The following STYXL1 variants were observed in gnomAD, a reference collection of about 807,000 sequenced individuals.
STYXL1 encodes serine/threonine/tyrosine interacting like 1.
A neutral mutation model predicts 36.4 loss-of-function variants in STYXL1; 32 were observed. The observed-to-expected ratio is 0.88, with a 90% confidence interval of 0.66 to 1.18. STYXL1 has a LOEUF of 1.18. STYXL1 is among the 50% of genes most tolerant of loss of function. STYXL1 has a pLI of 0.00. For synonymous variants in STYXL1, 133 were observed against 144.1 expected, an observed-to-expected ratio of 0.92 and a Z score of 0.55; for missense variants, 354 against 394.1, an observed-to-expected ratio of 0.90 and a Z score of 0.86.
At chr7:76,004,255 G>A (rs941809055) in intron 6 of STYXL1, among the ~76,000 whole-genome samples, 4 of 152,044 alleles carry the variant, frequency 2.6e-5, no homozygotes, top group Non-Finnish European at 4.4e-5. Context: ...CACCACAACC[G>A]GCTAATGTTT....
rs71301271 is a variant in STYXL1 at position 75,999,511 on chromosome 7, ATG to A, written c.810+1377_810+1378del. 2.9e-3 allele frequency among the ~76,000 whole-genome samples: 274 copies of A among 95,940 alleles called. 1 individual carries two copies. Among genetic ancestry groups the A allele is most frequent in the South Asian group, 0.015 (49 of 3,194 alleles). The allele number at this position is 95,940 out of a possible 152,430, so 62.9% of individuals were successfully genotyped here. On this transcript the variant is annotated intron_variant, in intron 8 of 8. Coordinates refer to ENST00000359697, the MANE Select transcript of STYXL1 (RefSeq NM_001317785.2). Reference sequence around the variant, plus strand: ...TTTTGTTGTGTGTGTGTGTGTGTGTATGTGTGTGTGTGTGTGTGTGTGTGTGT... The same window carrying A: ...TTTTGTTGTGTGTGTGTGTGTGTGTATGTGTGTGTGTGTGTGTGTGTGTGT...
rs1035600199 is a variant in STYXL1 at position 75,998,167 on chromosome 7, T to A, written c.811-1568A>T. ...AGAACAAAGTTGTAGGTCTCACACT[T>A]CCTGATTTCAAACCTTAGTCTAACA... is the stretch of plus-strand genomic sequence containing the variant. On this transcript the variant is annotated intron_variant, in intron 8 of 8. Transcript: ENST00000359697. Among the ~76,000 whole-genome samples the A allele has an allele frequency of 1.1e-3, 160 of 152,192 alleles. 1 individual carries two copies. The highest frequency in any genetic ancestry group is 2.5e-4 in the Non-Finnish European group (17 of 68,040).
chr7:76,003,384 A>G (rs2116772012), intron 7 of STYXL1, among the ~76,000 whole-genome samples: 1 of 152,288 alleles, frequency 6.6e-6, no homozygotes, highest in Middle Eastern at 3.4e-3. Flanking sequence ...GAAGGCGGGG[A>G]TGGAGAGAGA....
chr7:76,018,686 G>C (rs571207391), intron 4 of STYXL1, among the ~76,000 whole-genome samples: 1 of 152,120 alleles, frequency 6.6e-6, no homozygotes, highest in African/African-American at 2.4e-5. Context: ...TAGCCACAGC[G>C]CCCAGCCCCA....
At position 76,005,253 on chromosome 7, in the gene STYXL1, A is replaced by AT. The variant is rs1791527385; in HGVS notation, c.599+5_599+6insA. The stretch of plus-strand genomic sequence containing the variant: ...AAATATAAATCAGTAGTTTCTCTTT[A>AT]CTTACAAGGGCCCTGTATCCATGGA... On this transcript the variant is annotated splice_donor_region_variant and intron_variant, in intron 6 of 8. Transcript: ENST00000359697. The AT allele has an allele frequency of 4.3e-6, 6 of 1,407,778 alleles. No individual in the cohort carries two copies. The highest frequency in any genetic ancestry group is 5.6e-6 in the Non-Finnish European group (6 of 1,063,026). The allele number at this position is 1,407,778 out of a possible 1,614,324, so 87.2% of individuals were successfully genotyped here. A position where few individuals can be genotyped will look rare whatever the true frequency, so the allele number is the denominator to read the frequency against.
At chr7:76,032,820 T>C (rs1795516846) in intron 1 of STYXL1, among the ~76,000 whole-genome samples, 1 of 152,108 alleles carries the variant, frequency 6.6e-6, no homozygotes, top group South Asian at 2.1e-4. Context: ...ACTGCTAAAC[T>C]GAGACAGAAG....
At chr7:76,017,662 C>T (rs1554574435) in intron 4 of STYXL1, among the ~76,000 whole-genome samples, 1 of 151,458 alleles carries the variant, frequency 6.6e-6, no homozygotes, top group Non-Finnish European at 1.5e-5. Flanking sequence ...AAGGCGGGTG[C>T]ATCATCTGAG....
intron 7 of STYXL1, 21 bp from the exon 8 acceptor site, chr7:76,001,023 T>C: frequency 6.3e-7 from 1 of 1,593,406 alleles, no homozygotes; most frequent in Non-Finnish European, 8.6e-7. Context: ...AAGTGGGGGG[T>C]TGGGTCATGC....
intron 5 of STYXL1, among the ~76,000 whole-genome samples, chr7:76,011,930 A>T (rs112510546): frequency 6.6e-6 from 1 of 152,236 alleles, no homozygotes; most frequent in Non-Finnish European, 1.5e-5. Context: ...TTTTGTTTTG[A>T]CAAAACTGAC....
intron 8 of STYXL1, chr7:76,000,506 C>T (rs1163194306): frequency 2.2e-6 from 1 of 460,834 alleles, no homozygotes; most frequent in Non-Finnish European, 4.3e-6. Context: ...GCTTCCCTCT[C>T]TTCTCTGGAC....
chr7:76,015,228 A>C (rs1793135265), intron 4 of STYXL1, among the ~76,000 whole-genome samples: 1 of 152,170 alleles, frequency 6.6e-6, no homozygotes, highest in Non-Finnish European at 1.5e-5. Flanking sequence ...ACAGCCTTGG[A>C]GACAGAACAA....
At chr7:76,046,217 G>A (rs1359625443) in intron 1 of STYXL1, among the ~76,000 whole-genome samples, 2 of 151,366 alleles carry the variant, frequency 1.3e-5, no homozygotes, top group African/African-American at 4.9e-5. Flanking sequence ...TCCCTCCTCT[G>A]GAGTTGAATG....
At position 75,996,519 on chromosome 7, in the gene STYXL1, C is replaced by T; in HGVS notation, c.891G>A (p.Glu297=). ...TGATGGAATCTCCAAGGATAGTCTT[C>T]TCCCATTCCAGCAGCTGGCTCACCA... is the stretch of plus-strand genomic sequence containing the variant. The part of the protein sequence containing the change: ...RGLVSQLLEW[E]KTILGDSITN... The change falls in exon 9 of 9, where the codon GAG becomes GAA. Residue 297 remains glutamate, a synonymous_variant. Coordinates refer to ENST00000359697, the MANE Select transcript of STYXL1 (RefSeq NM_001317785.2). The T allele has an allele frequency of 1.2e-6, 2 of 1,614,242 alleles. No homozygotes were observed. The highest frequency in any genetic ancestry group is 1.7e-6 in the Non-Finnish European group (2 of 1,180,038).
chr7:76,017,720 T>A (rs905280824), intron 4 of STYXL1, among the ~76,000 whole-genome samples: 1 of 136,710 alleles, frequency 7.3e-6, no homozygotes, highest in African/African-American at 2.5e-5. Context: ...ACCCTGTCTG[T>A]ACTGAAAATA....
chr7:76,023,910 G>A (rs1376315776), intron 3 of STYXL1, among the ~76,000 whole-genome samples: 2 of 152,150 alleles, frequency 1.3e-5, no homozygotes, highest in Non-Finnish European at 2.9e-5. Context: ...CTACCAAAGA[G>A]GCTGAGGCAG....
chr7:76,044,155 GC>G (rs1458900210), intron 1 of STYXL1: 1 of 152,090 alleles, frequency 6.6e-6, no homozygotes, highest in Non-Finnish European at 1.5e-5. Flanking sequence ...TGAGTGTGAG[GC>G]TTTTTATGTT....
intron 1 of STYXL1, among the ~76,000 whole-genome samples, chr7:76,035,282 T>C (rs1002099617): frequency 2.8e-4 from 43 of 152,250 alleles, no homozygotes; most frequent in African/African-American, 9.1e-4. Context: ...TCCAGTTTCA[T>C]CTTCACATAA....
intron 4 of STYXL1, among the ~76,000 whole-genome samples, chr7:76,017,002 G>A (rs369569583): frequency 4.6e-5 from 7 of 151,922 alleles, no homozygotes; most frequent in African/African-American, 9.7e-5. Context: ...CATCAACAAC[G>A]GATTGTATTT....
chr7:76,013,123 G>A (rs919868411), intron 5 of STYXL1, among the ~76,000 whole-genome samples: 3 of 152,080 alleles, frequency 2.0e-5, no homozygotes, highest in South Asian at 2.1e-4. Flanking sequence ...TCAGGAGATC[G>A]AGACCATCCT....
Sources: allele counts gnomAD v4.1 joint callset (sites outside exome capture counted in the v4.1 genomes callset), GRCh38; gene constraint gnomAD v4.1.1; transcripts MANE v1.5; gene names NCBI Gene and HGNC (gene_info 2026-07-23, HGNC 2026-07-21).